The following DLGAP2 variants were observed in gnomAD, a reference collection of about 807,000 sequenced individuals.
DLGAP2 encodes disks large-associated protein 2.
Under a neutral mutation model 100.3 loss-of-function variants are expected in DLGAP2, and 26 were observed. The observed-to-expected ratio is 0.26, with a 90% CI of 0.19 to 0.36. The LOEUF (loss-of-function observed/expected upper bound fraction) is 0.36. Among genes scored for constraint, DLGAP2 ranks in the 10% least tolerant of loss-of-function variants. The pLI is 1.00. For missense variants in DLGAP2, 1,858 were observed against 1,453.2 expected (o/e 1.28, Z -4.53); for synonymous variants, 886 against 630.1 (o/e 1.41, Z -6.08).
chr8:761,714 A>G (rs1821088503), intron 1 of DLGAP2, among the ~76,000 whole-genome samples: 1 of 152,166 alleles, frequency 6.6e-6, no homozygotes, highest in Non-Finnish European at 1.5e-5. Flanking sequence ...TTCCTAGAAG[A>G]CGGCCCGAAA....
intron 1 of DLGAP2, among the ~76,000 whole-genome samples, chr8:793,832 A>C (rs923719422): frequency 5.9e-5 from 9 of 152,206 alleles, no homozygotes; most frequent in Non-Finnish European, 1.0e-4. Context: ...CAAGGACAAC[A>C]TCTTCCTTGC....
chr8:1,272,874 G>T (rs1490702840), intron 3 of DLGAP2, among the ~76,000 whole-genome samples: 1 of 152,132 alleles, frequency 6.6e-6, no homozygotes, highest in South Asian at 2.1e-4. Flanking sequence ...GGGGCAGAAG[G>T]GTGTGTAGTT....
chr8:1,564,120 C>T (rs963949929), intron 5 of DLGAP2, among the ~76,000 whole-genome samples: 4 of 152,132 alleles, frequency 2.6e-5, no homozygotes, highest in South Asian at 2.1e-4. Flanking sequence ...CTACACTCAG[C>T]GACTGCATGC....
chr8:1,164,990 G>C (rs1339519671), intron 2 of DLGAP2, among the ~76,000 whole-genome samples: 5 of 152,150 alleles, frequency 3.3e-5, no homozygotes, highest in Non-Finnish European at 5.9e-5. Context: ...GAGTCTGGGA[G>C]TTGGAGACTG....
Position 1,086,648 on chromosome 8 carries a change from A to G in DLGAP2, c.74-172203A>G, listed in dbSNP as rs548004346. On this transcript the variant is annotated intron_variant, in intron 2 of 14. Transcript: ENST00000637795. ...AAATAGACTTAAAGTCAAAAGCTGT[A>G]AAAAGAAATGAAGAAGGACATTATA... is the stretch of plus-strand genomic sequence containing the variant. Among the ~76,000 whole-genome samples the G allele has an allele frequency of 4.6e-5, 7 of 152,318 alleles. No individual in the cohort carries two copies. The South Asian group carries it at 1.5e-3, about 32-fold the overall frequency.
intron 6 of DLGAP2, among the ~76,000 whole-genome samples, chr8:1,603,453 G>T: frequency 1.3e-5 from 2 of 151,628 alleles, no homozygotes; most frequent in African/African-American, 2.4e-5. Flanking sequence ...TAGAGTGGAG[G>T]CTGGGTCTCA....
chr8:781,207 G>A (rs577566180), intron 1 of DLGAP2, among the ~76,000 whole-genome samples: 1 of 152,060 alleles, frequency 6.6e-6, no homozygotes, highest in African/African-American at 2.4e-5. Flanking sequence ...ATATTGCTCG[G>A]GATGGTATAC....
chr8:765,010 G>C (rs1010567933), intron 1 of DLGAP2, among the ~76,000 whole-genome samples: 1 of 152,182 alleles, frequency 6.6e-6, no homozygotes, highest in Non-Finnish European at 1.5e-5. Flanking sequence ...GTGACTAGTG[G>C]TAGTGAGCAA....
intron 3 of DLGAP2, among the ~76,000 whole-genome samples, chr8:1,284,042 G>A (rs1799873780): frequency 6.6e-6 from 1 of 152,210 alleles, no homozygotes; most frequent in South Asian, 2.1e-4. Context: ...TCTATGACAA[G>A]TATGTGGCCT....
chr8:1,310,708 A>T (rs761683144), intron 3 of DLGAP2, among the ~76,000 whole-genome samples: 7 of 151,968 alleles, frequency 4.6e-5, no homozygotes, highest in Admixed American at 1.3e-4. Flanking sequence ...CCCAGGCTGG[A>T]GTGCAGTAGT....
At chr8:1,509,260 G>T (rs1768891015) in intron 4 of DLGAP2, among the ~76,000 whole-genome samples, 1 of 151,246 alleles carries the variant, frequency 6.6e-6, no homozygotes, top group South Asian at 2.1e-4. Context: ...GAACCCCGGA[G>T]GCAGAGATTG....
chr8:1,512,222 A>T, intron 4 of DLGAP2, among the ~76,000 whole-genome samples: 1 of 152,366 alleles, frequency 6.6e-6, no homozygotes, highest in East Asian at 1.9e-4. Flanking sequence ...TGTCCATTGT[A>T]GAAGAATGTG....
chr8:1,558,334 T>C (rs1444458287), intron 5 of DLGAP2, among the ~76,000 whole-genome samples: 2 of 152,080 alleles, frequency 1.3e-5, no homozygotes, highest in African/African-American at 4.8e-5. Context: ...GAGATGGCCA[T>C]AGGAAAGACA....
At chr8:977,260 A>G (rs1181454638) in intron 2 of DLGAP2, among the ~76,000 whole-genome samples, 1 of 152,208 alleles carries the variant, frequency 6.6e-6, no homozygotes, top group South Asian at 2.1e-4. Context: ...TCTAAAGGCA[A>G]TGAGAAAATG....
At chr8:770,589 G>A (rs530730522) in intron 1 of DLGAP2, among the ~76,000 whole-genome samples, 60 of 152,208 alleles carry the variant, frequency 3.9e-4, no homozygotes, top group Non-Finnish European at 6.9e-4. Flanking sequence ...AGTTTCTGTG[G>A]GCTCCGAACA....
chr8:1,512,624 C>T (rs1302890878), intron 4 of DLGAP2, among the ~76,000 whole-genome samples: 1 of 152,118 alleles, frequency 6.6e-6, no homozygotes, highest in Non-Finnish European at 1.5e-5. Flanking sequence ...CTGTTAAAAG[C>T]AAACAACATG....
chr8:1,335,647 A>G lies in DLGAP2; in HGVS notation c.106+76764A>G, dbSNP rs147374196. Among the ~76,000 whole-genome samples, 9 of 152,148 alleles carry G rather than the reference A, an allele frequency of 5.9e-5. No individual in the cohort carries two copies. The East Asian group carries it at 1.8e-3, about 30-fold the overall frequency. ...GGACTGGTCATGACGTATGAGTAGGAGTTTGATGGATGGAGGAAAAGTCGA... is the reference window on the plus strand; with the variant it reads ...GGACTGGTCATGACGTATGAGTAGGGGTTTGATGGATGGAGGAAAAGTCGA... On this transcript the variant is annotated intron_variant, in intron 3 of 14. Transcript: ENST00000637795.
At chr8:1,167,884 A>ATT (rs147051775) in intron 2 of DLGAP2, among the ~76,000 whole-genome samples, 27,748 of 151,192 alleles carry the variant, frequency 0.18, 2,731 homozygotes, top group Middle Eastern at 0.34. Flanking sequence ...ACCTGAGTCC[A>ATT]TTTTTTTTTA....
At chr8:1,166,638 A>C (rs7827800) in intron 2 of DLGAP2, among the ~76,000 whole-genome samples, 30 of 152,088 alleles carry the variant, frequency 2.0e-4, no homozygotes, top group African/African-American at 7.2e-4. Context: ...TCTCCTGTCA[A>C]TGCCGCATAA....
Sources: gnomAD v4.1 joint callset for allele counts (sites outside exome capture counted in the v4.1 genomes callset) on GRCh38, gnomAD v4.1.1 for gene constraint, MANE v1.5 for transcripts, NCBI Gene and HGNC (gene_info 2026-07-23, HGNC 2026-07-21) for gene names.